DCST2: variants seen among roughly 807,000 people sequenced by gnomAD.
The protein encoded by DCST2 is DC-STAMP domain-containing protein 2.
In DCST2, 64 loss-of-function variants were observed where a neutral mutation model predicts 81.8. The observed-to-expected ratio is 0.78, with a 90% CI of 0.64 to 0.96. The LOEUF is 0.96. Ranked by LOEUF, DCST2 falls within the 40% of genes least tolerant of loss-of-function variation. The pLI is 0.00. For synonymous variants in DCST2, 354 were observed against 402.6 expected (o/e 0.88, Z 1.44); for missense variants, 945 against 1,001.4 (o/e 0.94, Z 0.76).
At chr1:155,028,561 G>T (rs1344128798) in intron 8 of DCST2, among the ~76,000 whole-genome samples, 1 of 148,816 alleles carries the variant, frequency 6.7e-6, no homozygotes, top group African/African-American at 2.5e-5. Context: ...TCCAGCCTGG[G>T]TGACAGAGTG....
At chr1:155,018,844 G>A in intron 14 of DCST2, 84 bp from the exon 15 acceptor site, 2 of 1,360,802 alleles carry the variant, frequency 1.5e-6, no homozygotes, top group Non-Finnish European at 2.0e-6. Context: ...TGCCCCATCT[G>A]TTCAGATCCA....
At position 155,031,731 on chromosome 1, in the gene DCST2, G is replaced by A. The variant is rs746808842; in HGVS notation, c.582C>T (p.Ile194=). The part of the protein sequence containing the change: ...LRNVWQWLLH[I]GDVCNSELGN... ...CCAGTTCCGAGTTGCACACATCGCC[G>A]ATGTGCAGGAGCCACTGCCACACAT... The change falls in exon 4 of 15, where the codon ATC becomes ATT. Residue 194 remains isoleucine, a synonymous_variant. Coordinates refer to ENST00000368424, the MANE Select transcript of DCST2 (RefSeq NM_144622.3). The A allele has an allele frequency of 1.9e-5, 31 of 1,613,828 alleles. No individual in the cohort carries two copies. Among genetic ancestry groups the A allele is most frequent in the Non-Finnish European group, 2.3e-5 (27 of 1,180,014 alleles).
At chr1:155,032,593 A>T in intron 3 of DCST2, 74 bp downstream of exon 3, 1 of 1,292,466 alleles carries the variant, frequency 7.7e-7, no homozygotes, top group Non-Finnish European at 1.1e-6. Flanking sequence ...CTGGGATTAC[A>T]GGCATGAGCC....
chr1:155,026,205 GC>G, intron 10 of DCST2, 96 bp downstream of exon 10: 2 of 1,143,194 alleles, frequency 1.7e-6, no homozygotes, highest in Non-Finnish European at 2.6e-6. Flanking sequence ...GGCTGGGGCT[GC>G]TGAAGGAAGT....
rs1659640859 is a variant in DCST2 at position 155,018,620 on chromosome 1, G to C, written c.2246C>G (p.Pro749Arg). 1 of 1,613,896 alleles carries C rather than the reference G, an allele frequency of 6.2e-7. No individual in the cohort carries two copies. Among genetic ancestry groups the C allele is most frequent in the Admixed American group, 1.7e-5 (1 of 60,016 alleles). Residue 749 changes from proline (P) to arginine (R), a missense_variant, in exon 15 of 15, where the codon CCC becomes CGC. Physicochemically the swap from Pro to Arg is moderately radical, Grantham distance 103. Coordinates refer to ENST00000368424, the MANE Select transcript of DCST2 (RefSeq NM_144622.3). ...GACTGAGGGTTCTGAAGCTGGAGTG[G>C]GGGCTCCTTTAGTGGCGGAGGATGT... ...PETSSATKGA[P>R]TPASEPSVPL...
At position 155,026,580 on chromosome 1, in the gene DCST2, G is replaced by C. The variant is rs199571532; in HGVS notation, c.1478C>G (p.Ser493Trp). ...TATGTAGCCAGTGCTGTCAGGCTCCGAGGGACGAAGGAGACAACGCCGGGA... is the reference window on the plus strand; with the variant it reads ...TATGTAGCCAGTGCTGTCAGGCTCCCAGGGACGAAGGAGACAACGCCGGGA... ...ILSRRCLLRP[S>W]EPDSTGYIVI... Residue 493 changes from serine to tryptophan, a missense_variant, in exon 9 of 15, where the codon TCG becomes TGG. Physicochemically the swap from Ser to Trp is radical, Grantham distance 177. Coordinates refer to ENST00000368424, the MANE Select transcript of DCST2 (RefSeq NM_144622.3). 1 of 1,614,200 alleles carries C rather than the reference G, an allele frequency of 6.2e-7. No individual in the cohort carries two copies. Among genetic ancestry groups the C allele is most frequent in the Non-Finnish European group, 8.5e-7 (1 of 1,180,038 alleles).
chr1:155,022,298 C>T lies in DCST2; in HGVS notation c.2105+819G>A, dbSNP rs1482680097. 3.9e-5 allele frequency among the ~76,000 whole-genome samples: 6 copies of T among 152,174 alleles called. No homozygotes were observed. In the East Asian group the frequency reaches 1.2e-3, roughly 29 times the overall value. ...CTCATCTCCCAGCATTCTCTGAGGT[C>T]TCTACCCAGCCACACCCATCCCTTG... On this transcript the variant is annotated intron_variant, in intron 14 of 14. Transcript: ENST00000368424.
rs976447361 is a variant in DCST2 at position 155,031,139 on chromosome 1, C to T, written c.805+30G>A. 4 of 1,579,526 alleles carry T rather than the reference C, an allele frequency of 2.5e-6. No homozygotes were observed. In the African/African-American group the frequency reaches 5.5e-5, roughly 22 times the overall value. Reference sequence around the variant, plus strand: ...ATGAGGGAGGGAGACCACTAGGGAGCACCATATGTGGCAGGAGGGGGTCAC... The same window carrying T: ...ATGAGGGAGGGAGACCACTAGGGAGTACCATATGTGGCAGGAGGGGGTCAC... On this transcript the variant is annotated intron_variant, in intron 5 of 14. Transcript: ENST00000368424.
chr1:155,030,536 G>A lies in DCST2; in HGVS notation c.915C>T (p.Ala305=), dbSNP rs549980856. The A allele has an allele frequency of 6.2e-7, 1 of 1,614,122 alleles. No homozygotes were observed. The highest frequency in any genetic ancestry group is 1.1e-5 in the South Asian group (1 of 91,086). ...TGCTGACAGCCTCGTGGAGGTCCAT[G>A]GCTACCTGGGACAGGCTCCGAGAGG... ...LNASRSLSQV[A]MDLHEAVSMK... The change falls in exon 6 of 15, where the codon GCC becomes GCT. Residue 305 remains alanine, a synonymous_variant. Transcript: ENST00000368424.
At position 155,030,129 on chromosome 1, in the gene DCST2, C is replaced by CTG. The variant is rs776331182; in HGVS notation, c.1130_1131dup (p.Val378GlnfsTer46). On this transcript the variant is annotated frameshift_variant, in exon 7 of 15. Coordinates refer to ENST00000368424, the MANE Select transcript of DCST2 (RefSeq NM_144622.3). LOFTEE classifies it high-confidence loss of function. ...GCCTCGTGAGCACTGAGCGGTAGCA[C>CTG]TGTGGGCAGCCCTGCCGTGGAGCGC... 1.0e-4 allele frequency: 169 copies of CTG among 1,613,994 alleles called. No homozygotes were observed. The highest frequency in any genetic ancestry group is 1.3e-4 in the Non-Finnish European group (155 of 1,180,024).
At position 155,030,243 on chromosome 1, in the gene DCST2, T is replaced by C; in HGVS notation, c.1020-2A>G. On this transcript the variant is annotated splice_acceptor_variant, in intron 6 of 14. Transcript: ENST00000368424. LOFTEE classifies it high-confidence loss of function. ...TAACAATACCGGTAAAATAGGGCTC[T>C]GGGAAGGGGAGGTGGAGCACATGTG... The C allele has an allele frequency of 1.9e-6, 3 of 1,614,046 alleles. No individual in the cohort carries two copies. In the East Asian group the frequency reaches 6.7e-5, roughly 36 times the overall value.
In DCST2 at chr1:155,024,479, C is replaced by A; in HGVS notation, c.1735G>T (p.Ala579Ser). 6.2e-7 allele frequency: 1 copy of A among 1,603,860 alleles called. No individual in the cohort carries two copies. Among genetic ancestry groups the A allele is most frequent in the Non-Finnish European group, 8.5e-7 (1 of 1,174,420 alleles). ...QGHRSAFLVL[A>S]SRCPCLGPFV... ...AAAAGACAGTGGCCTCACCGACTGG[C>A]CAGCACTAGGAAGGCACTTCTGTGG... The change falls in exon 11 of 15, where the codon GCC becomes TCC. Residue 579 changes from alanine to serine, a missense_variant. By Grantham distance (99) the Ala-to-Ser change is moderately conservative. Coordinates refer to ENST00000368424, the MANE Select transcript of DCST2 (RefSeq NM_144622.3).
chr1:155,018,660 G>A lies in DCST2; in HGVS notation c.2206C>T (p.His736Tyr), dbSNP rs778131489. 5 of 1,613,884 alleles carry A rather than the reference G, an allele frequency of 3.1e-6. No homozygotes were observed. In the African/African-American group the frequency reaches 5.3e-5, roughly 17 times the overall value. The change falls in exon 15 of 15, where the codon CAC (histidine) becomes TAC (tyrosine). Residue 736 changes from histidine (H) to tyrosine (Y), a missense_variant. His to Tyr is a moderately conservative substitution (Grantham distance 83). Coordinates refer to ENST00000368424, the MANE Select transcript of DCST2 (RefSeq NM_144622.3). ...PVSILTSPEP[H>Y]RPPETSSATK... ...GCGGAGGATGTCTCAGGTGGTCTGTGGGGCTCAGGGCTGGTGAGAATGCTG... is the reference window on the plus strand; with the variant it reads ...GCGGAGGATGTCTCAGGTGGTCTGTAGGGCTCAGGGCTGGTGAGAATGCTG...
At chr1:155,029,483 A>C in intron 7 of DCST2, 86 bp from the exon 8 acceptor site, 2 of 1,363,612 alleles carry the variant, frequency 1.5e-6, no homozygotes, top group South Asian at 2.6e-5. Flanking sequence ...TCCTGCCCCT[A>C]ATCAGGTGTG....
At chr1:155,021,746 C>T (rs1029837526) in intron 14 of DCST2, among the ~76,000 whole-genome samples, 3 of 151,982 alleles carry the variant, frequency 2.0e-5, no homozygotes, top group Admixed American at 6.6e-5. Context: ...ATAGAAATCC[C>T]AGTCACGCTC....
Position 155,031,188 on chromosome 1 carries a change from CAAG to C in DCST2, c.783_785del (p.Phe261del), listed in dbSNP as rs749920443. The C allele has an allele frequency of 8.8e-6, 14 of 1,592,254 alleles. No homozygotes were observed. The highest frequency in any genetic ancestry group is 1.2e-5 in the Non-Finnish European group (14 of 1,171,868). On this transcript the variant is annotated inframe_deletion, in exon 5 of 15. Coordinates refer to ENST00000368424, the MANE Select transcript of DCST2 (RefSeq NM_144622.3). ...ACTCACGGGTGCCGATGGTCTGGCGCAAGAAGGGTTGAATGTACTTAGGGATGA... is the reference window on the plus strand; with the variant it reads ...ACTCACGGGTGCCGATGGTCTGGCGCAAGGGTTGAATGTACTTAGGGATGA...
rs1660084310 is a variant in DCST2, at chr1:155,031,546, C to T, written c.739+28G>A. 4 of 1,555,448 alleles carry T rather than the reference C, an allele frequency of 2.6e-6. No homozygotes were observed. The African/African-American group carries it at 5.5e-5, about 21-fold the overall frequency. On this transcript the variant is annotated intron_variant, in intron 4 of 14. Coordinates refer to ENST00000368424, the MANE Select transcript of DCST2 (RefSeq NM_144622.3). Reference sequence around the variant, plus strand: ...CCCACCCCACCCCACATCGGCTCCTCCCCGCTGGCAGACCCTGGTTTTCTC... The same window carrying T: ...CCCACCCCACCCCACATCGGCTCCTTCCCGCTGGCAGACCCTGGTTTTCTC...
rs1443139919 is a variant in DCST2 at position 155,018,587 on chromosome 1, G to A, written c.2279C>T (p.Ser760Leu). The change falls in exon 15 of 15, where the codon TCA becomes TTA. Residue 760 changes from serine to leucine, a missense_variant. Coordinates refer to ENST00000368424, the MANE Select transcript of DCST2 (RefSeq NM_144622.3). ...GGAAGGATCAGGAAGAGAGGGAGGT[G>A]AGAGAGGGACTGAGGGTTCTGAAGC... The part of the protein sequence containing the change: ...TPASEPSVPL[S>L]PPSLPDPSHP... 9 of 1,613,624 alleles carry A rather than the reference G, an allele frequency of 5.6e-6. No homozygotes were observed. Among genetic ancestry groups the A allele is most frequent in the Non-Finnish European group, 6.8e-6 (8 of 1,179,840 alleles).
chr1:155,022,362 A>C (rs1172286385), intron 14 of DCST2, among the ~76,000 whole-genome samples: 1 of 151,764 alleles, frequency 6.6e-6, no homozygotes, highest in East Asian at 1.9e-4. Context: ...CTCCAAACCC[A>C]CACAGGCCTC....
Sources: allele counts gnomAD v4.1 joint callset (sites outside exome capture counted in the v4.1 genomes callset), GRCh38; gene constraint gnomAD v4.1.1; transcripts MANE v1.5; gene names NCBI Gene and HGNC (gene_info 2026-07-23, HGNC 2026-07-21).